Variants in EGLN1 observed in about 807,000 individuals in gnomAD.
The protein encoded by EGLN1 is egl-9 family hypoxia inducible factor 1.
A neutral mutation model predicts 38.3 loss-of-function variants in EGLN1; 17 were observed. The ratio of observed to expected loss-of-function variants is 0.44; its 90% CI spans 0.30 to 0.67. The LOEUF (loss-of-function observed/expected upper bound fraction) is 0.67. Ranked by LOEUF, EGLN1 falls within the 30% of genes least tolerant of loss-of-function variation. The pLI, the probability that EGLN1 is intolerant of heterozygous loss-of-function variation, is 0.08. For synonymous variants in EGLN1, 283 were observed against 257.5 expected (o/e 1.10, Z -0.95); for missense variants, 477 against 603.3 (o/e 0.79, Z 2.19).
intron 1 of EGLN1, among the ~76,000 whole-genome samples, chr1:231,400,078 A>G (rs986801574): frequency 2.0e-5 from 3 of 152,106 alleles, no homozygotes; most frequent in Non-Finnish European, 4.4e-5. Flanking sequence ...ATATAAACCA[A>G]TTTGGGGTAT....
chr1:231,364,140 T>C lies in EGLN1; in HGVS notation c.*2271A>G, dbSNP rs1687573724. On this transcript the variant is annotated 3_prime_UTR_variant, in exon 5 of 5. Coordinates refer to ENST00000366641, the MANE Select transcript of EGLN1 (RefSeq NM_022051.3). The stretch of plus-strand genomic sequence containing the variant: ...GATTCCTAAGAGAGTATATAAACTT[T>C]TCCAAAAAATATACAATTTAAGACC... The C allele has an allele frequency of 6.6e-6, 1 of 152,192 alleles. No individual in the cohort carries two copies. The highest frequency in any genetic ancestry group is 6.5e-5 in the Admixed American group (1 of 15,276). The allele number at this position is 152,192 out of a possible 1,614,324, so 9.4% of individuals were successfully genotyped here.
At chr1:231,418,593 G>A (rs1359332103) in intron 1 of EGLN1, among the ~76,000 whole-genome samples, 1 of 152,150 alleles carries the variant, frequency 6.6e-6, no homozygotes, top group East Asian at 1.9e-4. Flanking sequence ...GCCAGGTGAG[G>A]TGGTTCAAGT....
intron 1 of EGLN1, among the ~76,000 whole-genome samples, chr1:231,405,741 A>G (rs1431692557): frequency 9.2e-5 from 14 of 152,094 alleles, no homozygotes; most frequent in Non-Finnish European, 2.1e-4. Context: ...AAGAGGAAGA[A>G]ACACCAAGAA....
At chr1:231,386,241 T>C (rs928399861) in intron 1 of EGLN1, among the ~76,000 whole-genome samples, 1 of 152,208 alleles carries the variant, frequency 6.6e-6, no homozygotes, top group Non-Finnish European at 1.5e-5. Flanking sequence ...ACAAGTTCTA[T>C]TTGTATAGAA....
At chr1:231,378,165 C>T (rs560395775) in intron 1 of EGLN1, among the ~76,000 whole-genome samples, 100 of 152,178 alleles carry the variant, frequency 6.6e-4, no homozygotes, top group African/African-American at 2.2e-3. Context: ...CATGGATCTG[C>T]CAACCCAATT....
In EGLN1 at chr1:231,421,013, G is replaced by A; in HGVS notation, c.876C>T (p.Ile292=). The A allele has an allele frequency of 6.2e-7, 1 of 1,614,048 alleles. No homozygotes were observed. The part of the protein sequence containing the change: ...HCNGKLGSYK[I]NGRTKAMVAC... ...ACACACTTACTTTCGTCCGGCCATT[G>A]ATTTTGTAGCTGCCCAGCTTCCCGT... Residue 292 remains isoleucine, a synonymous_variant, in exon 1 of 5, where the codon ATC becomes ATT. Coordinates refer to ENST00000366641, the MANE Select transcript of EGLN1 (RefSeq NM_022051.3). This position sits in a 1 kb window ranked among gnomAD's most constrained non-coding sequence, Gnocchi z 5.5.
At chr1:231,375,820 C>T (rs967272703) in intron 1 of EGLN1, among the ~76,000 whole-genome samples, 1 of 152,146 alleles carries the variant, frequency 6.6e-6, no homozygotes. Flanking sequence ...TTTAACAATG[C>T]AATTACTCCA....
At chr1:231,399,016 C>G (rs1290242725) in intron 1 of EGLN1, among the ~76,000 whole-genome samples, 1 of 152,180 alleles carries the variant, frequency 6.6e-6, no homozygotes, top group Non-Finnish European at 1.5e-5. Context: ...TGTGAAAACT[C>G]TAAAATGCCA....
chr1:231,397,324 C>T (rs1688554845), intron 1 of EGLN1, among the ~76,000 whole-genome samples: 1 of 152,160 alleles, frequency 6.6e-6, no homozygotes, highest in African/African-American at 2.4e-5. Flanking sequence ...ATAAATCAAA[C>T]TACTTAACTT....
intron 1 of EGLN1, among the ~76,000 whole-genome samples, chr1:231,407,802 CCATGCTG>C (rs893623397): frequency 2.6e-5 from 4 of 152,024 alleles, no homozygotes; most frequent in African/African-American, 9.7e-5. Context: ...ATAGTGCAAG[CCATGCTG>C]ACCTGGGCTA....
At chr1:231,394,902 C>T (rs1572036428) in intron 1 of EGLN1, among the ~76,000 whole-genome samples, 1 of 152,130 alleles carries the variant, frequency 6.6e-6, no homozygotes, top group Non-Finnish European at 1.5e-5. Context: ...AAGGAAGAGA[C>T]ATTCTTTCTC....
intron 1 of EGLN1, chr1:231,420,083 A>G (rs989662262): frequency 6.6e-6 from 1 of 152,224 alleles, no homozygotes; most frequent in African/African-American, 2.4e-5. Context: ...ACTGTTTATC[A>G]TGAGGGAGGA....
At chr1:231,394,179 C>T (rs2790885) in intron 1 of EGLN1, among the ~76,000 whole-genome samples, 82,816 of 151,902 alleles carry the variant, frequency 0.55, 24,191 homozygotes, top group Non-Finnish European at 0.65. Context: ...TTGCAGTTCC[C>T]ACACCCAAGC....
At chr1:231,411,775 G>A (rs1688947878) in intron 1 of EGLN1, among the ~76,000 whole-genome samples, 1 of 151,846 alleles carries the variant, frequency 6.6e-6, no homozygotes, top group Non-Finnish European at 1.5e-5. Flanking sequence ...TAGGTGGGCG[G>A]ATCACGAGGT....
rs750435465 is a variant in EGLN1 at position 231,421,019 on chromosome 1, G to A, written c.870C>T (p.Tyr290=). The A allele has an allele frequency of 3.1e-6, 5 of 1,614,014 alleles. No homozygotes were observed. In the South Asian group the frequency reaches 5.5e-5, roughly 18 times the overall value. The change falls in exon 1 of 5, where the codon TAC becomes TAT. Residue 290 remains tyrosine (Y), a synonymous_variant. Coordinates refer to ENST00000366641, the MANE Select transcript of EGLN1 (RefSeq NM_022051.3). The surrounding 1 kb of genome is among the most constrained non-coding windows in gnomAD (Gnocchi z 5.5). ...IRHCNGKLGS[Y]KINGRTKAMV... is the part of the protein sequence containing the mutation. ...TTACTTTCGTCCGGCCATTGATTTT[G>A]TAGCTGCCCAGCTTCCCGTTACAGT...
At chr1:231,380,373 A>ACAG (rs1457146629) in intron 1 of EGLN1, among the ~76,000 whole-genome samples, 2 of 151,634 alleles carry the variant, frequency 1.3e-5, no homozygotes, top group Admixed American at 6.6e-5. Flanking sequence ...TTTCTTGATC[A>ACAG]CAGTAAACAA....
At chr1:231,392,958 C>T (rs1688430838) in intron 1 of EGLN1, among the ~76,000 whole-genome samples, 1 of 152,194 alleles carries the variant, frequency 6.6e-6, no homozygotes, top group African/African-American at 2.4e-5. Flanking sequence ...CCAGGGTGGA[C>T]ATGTGGCTCA....
rs143250026 is a variant in EGLN1, at chr1:231,398,797, G to A, written c.891+22201C>T. ...AAAGTGAGGGTTTAACTATAGTAGT[G>A]AGAACTGAAGCAAAAGATGGATATT... is the stretch of plus-strand genomic sequence containing the variant. On this transcript the variant is annotated intron_variant, in intron 1 of 4. Coordinates refer to ENST00000366641, the MANE Select transcript of EGLN1 (RefSeq NM_022051.3). Among the ~76,000 whole-genome samples, 3 of 152,314 alleles carry A rather than the reference G, an allele frequency of 2.0e-5. No homozygotes were observed. The East Asian group carries it at 5.8e-4, about 29-fold the overall frequency.
At position 231,401,888 on chromosome 1, in the gene EGLN1, G is replaced by A. The variant is rs115847146; in HGVS notation, c.891+19110C>T. ...TAACTTTATGAGAAATGGCTAACCC[G>A]TTTTCCAAAGTGGCTGTACCATTTT... On this transcript the variant is annotated intron_variant, in intron 1 of 4. Coordinates refer to ENST00000366641, the MANE Select transcript of EGLN1 (RefSeq NM_022051.3). 9.4e-4 allele frequency among the ~76,000 whole-genome samples: 143 copies of A among 152,220 alleles called. 1 individual carries two copies. The highest frequency in any genetic ancestry group is 3.2e-3 in the African/African-American group (135 of 41,554).
Sources: allele counts gnomAD v4.1 joint callset (sites outside exome capture counted in the v4.1 genomes callset), GRCh38; gene constraint gnomAD v4.1.1; non-coding constraint Gnocchi (gnomAD v3.1); transcripts MANE v1.5; gene names NCBI Gene and HGNC (gene_info 2026-07-23, HGNC 2026-07-21).